The following RIPK1 variants were observed in gnomAD, a reference collection of about 807,000 sequenced individuals.
The protein encoded by RIPK1 is receptor interacting serine/threonine kinase 1.
In RIPK1, 27 loss-of-function variants were observed where a neutral mutation model predicts 62.4. The observed-to-expected ratio is 0.43, with a 90% CI of 0.32 to 0.60. The LOEUF is 0.60. Among genes scored for constraint, RIPK1 ranks in the 20% least tolerant of loss-of-function variants. RIPK1 has a pLI of 0.07. For synonymous variants in RIPK1, 287 were observed against 303.2 expected (o/e 0.95, Z 0.55); for missense variants, 735 against 831.0 (o/e 0.88, Z 1.42).
chr6:3,084,470 C>A (rs112717073), intron 5 of RIPK1, among the ~76,000 whole-genome samples: 2 of 1,232 alleles, frequency 1.6e-3, no homozygotes, highest in African/African-American at 4.0e-3. Context: ...TGCTTCTCTT[C>A]CTGGAGTCCT....
rs765452429 is a variant in RIPK1 at position 3,077,933 on chromosome 6, G to C, written c.319G>C (p.Glu107Gln). 4.3e-6 allele frequency: 7 copies of C among 1,613,618 alleles called. No individual in the cohort carries two copies. Among genetic ancestry groups the C allele is most frequent in the Admixed American group, 3.3e-5 (2 of 59,998 alleles). Residue 107 changes from glutamate (E) to glutamine (Q), a missense_variant and splice_region_variant, in exon 3 of 11, where the codon GAG (glutamate) becomes CAG (glutamine). Coordinates refer to ENST00000259808, the MANE Select transcript of RIPK1 (RefSeq NM_001354930.2). Reference protein sequence around the residue: ...KGNLMHVLKAEMSTPLSVKGR... With the variant: ...KGNLMHVLKAQMSTPLSVKGR... ...CAACCTGATGCACGTGCTGAAAGCC[G>C]AGGTAGAGAGGGCCCCTCCGCACGG... is the stretch of plus-strand genomic sequence containing the variant.
intron 7 of RIPK1, among the ~76,000 whole-genome samples, chr6:3,090,581 G>A (rs976526920): frequency 1.3e-5 from 2 of 152,026 alleles, no homozygotes; most frequent in Admixed American, 1.3e-4. Context: ...AGCCAAAAGT[G>A]ACAGAACTCA....
intron 1 of RIPK1, among the ~76,000 whole-genome samples, chr6:3,073,408 C>G (rs1334056634): frequency 6.6e-6 from 1 of 151,900 alleles, no homozygotes; most frequent in African/African-American, 2.4e-5. Flanking sequence ...AGTAAGTGCC[C>G]CAAGGTCACA....
upstream of RIPK1, chr6:3,068,274 TCC>T (rs761361350): frequency 7.1e-5 from 70 of 985,398 alleles, no homozygotes; most frequent in Non-Finnish European, 6.7e-5. Context: ...ACCCAGTGCT[TCC>T]CTCCAGACCC....
rs1265898070 is a variant in RIPK1 at position 3,068,650 on chromosome 6, G to A, written c.-72G>A. On this transcript the variant is annotated 5_prime_UTR_variant, in exon 1 of 11. Transcript: ENST00000259808. ...GACTTGGCTGGACGGCGCGGCCACG[G>A]AGAAGGGCGCGGTGAGCGGACTGGC... The A allele has an allele frequency of 2.0e-6, 2 of 985,328 alleles. No individual in the cohort carries two copies. The highest frequency in any genetic ancestry group is 5.2e-4 in the Middle Eastern group (1 of 1,912). 61.0% of individuals were successfully genotyped at this position (985,328 alleles called of 1,614,324 possible). A position where few individuals can be genotyped will look rare whatever the true frequency, so the allele number is the denominator to read the frequency against.
intron 6 of RIPK1, among the ~76,000 whole-genome samples, chr6:3,087,741 G>A (rs537561215): frequency 1.8e-4 from 27 of 151,882 alleles, no homozygotes; most frequent in East Asian, 7.8e-4. Flanking sequence ...GGGTTTCACC[G>A]TGTTAGCCAG....
rs201082664 is a variant in RIPK1, at chr6:3,108,340, T to TCTA, written c.1576+2289_1576+2290insCTA. Among the ~76,000 whole-genome samples, 774 of 152,142 alleles carry TCTA rather than the reference T, an allele frequency of 5.1e-3. 4 individuals carry two copies. The highest frequency in any genetic ancestry group is 0.017 in the African/African-American group (704 of 41,496). ...TAAATGAAAATGTTACAACTGAAAA[T>TCTA]TTATATATTATCAGCTCTAGTATGT... On this transcript the variant is annotated intron_variant, in intron 9 of 10. Coordinates refer to ENST00000259808, the MANE Select transcript of RIPK1 (RefSeq NM_001354930.2).
At chr6:3,083,939 G>A (rs537753373) in intron 5 of RIPK1, among the ~76,000 whole-genome samples, 27 of 151,974 alleles carry the variant, frequency 1.8e-4, no homozygotes, top group African/African-American at 5.6e-4. Context: ...AGCTCGCCCC[G>A]CTTCACCCCT....
chr6:3,081,873 A>T (rs1186684428), intron 4 of RIPK1, among the ~76,000 whole-genome samples: 2 of 111,420 alleles, frequency 1.8e-5, no homozygotes, highest in African/African-American at 1.2e-4. Flanking sequence ...AAAAAAAAAA[A>T]AAAAAAAAAA....
At chr6:3,107,338 C>T (rs1380716677) in intron 9 of RIPK1, among the ~76,000 whole-genome samples, 5 of 146,756 alleles carry the variant, frequency 3.4e-5, no homozygotes, top group South Asian at 2.1e-4. Flanking sequence ...GGGAAGATCA[C>T]GAGGTCAGGA....
Position 3,076,788 on chromosome 6 carries a change from A to T in RIPK1, c.-36A>T. 6.2e-7 allele frequency: 1 copy of T among 1,604,312 alleles called. No individual in the cohort carries two copies. Among genetic ancestry groups the T allele is most frequent in the Non-Finnish European group, 8.5e-7 (1 of 1,175,914 alleles). ...GGGTACAGCTCTGCCGGGGGGGGAA[A>T]AAGTGGTACCATTTTGGGCGTTCTT... is the stretch of plus-strand genomic sequence containing the variant. On this transcript the variant is annotated 5_prime_UTR_variant, in exon 2 of 11. Transcript: ENST00000259808.
chr6:3,105,809 A>G lies in RIPK1; in HGVS notation c.1334A>G (p.His445Arg). Residue 445 changes from histidine (H) to arginine (R), a missense_variant, in exon 9 of 11, where the codon CAT becomes CGT. Physicochemically the swap from His to Arg is conservative, Grantham distance 29 (BLOSUM62 0). Coordinates refer to ENST00000259808, the MANE Select transcript of RIPK1 (RefSeq NM_001354930.2). The surrounding 1 kb of genome is among the most constrained non-coding windows in gnomAD (Gnocchi z 4.5). ...KGTAYSSAAS[H>R]GNAVHQPSGL... ...ACTGCTTATTCCAGTGCAGCCAGTC[A>G]TGGTAATGCAGTGCACCAGCCCTCA... is the stretch of plus-strand genomic sequence containing the variant. 2 of 1,614,206 alleles carry G rather than the reference A, an allele frequency of 1.2e-6. No homozygotes were observed. Among genetic ancestry groups the G allele is most frequent in the Non-Finnish European group, 1.7e-6 (2 of 1,180,006 alleles).
intron 2 of RIPK1, 105 bp from the exon 3 acceptor site, chr6:3,077,674 C>T: frequency 7.7e-7 from 1 of 1,302,704 alleles, no homozygotes. Flanking sequence ...TCGGTACAGA[C>T]CCAAGCATGA....
At chr6:3,079,871 C>T (rs544065822) in intron 3 of RIPK1, among the ~76,000 whole-genome samples, 3 of 152,154 alleles carry the variant, frequency 2.0e-5, no homozygotes, top group Non-Finnish European at 4.4e-5. Context: ...CAGGCCCAAC[C>T]CTGCTTAGCT....
At chr6:3,068,922 G>A (rs930953374) in intron 1 of RIPK1, 2 of 155,060 alleles carry the variant, frequency 1.3e-5, no homozygotes, top group African/African-American at 2.4e-5. Context: ...GAGGGACTCT[G>A]CCCGGGGTGC....
At chr6:3,080,799 G>GC (rs3830793) in intron 3 of RIPK1, among the ~76,000 whole-genome samples, 180 bp from the exon 4 acceptor site, 3,071 of 147,132 alleles carry the variant, frequency 0.021, 92 homozygotes, top group East Asian at 0.15. Flanking sequence ...AATACCCTCT[G>GC]CCCCCCCCCG....
In RIPK1 at chr6:3,082,513, T is replaced by C. The variant is rs1476883181; in HGVS notation, c.460-572T>C. On this transcript the variant is annotated intron_variant, in intron 4 of 10. Transcript: ENST00000259808. The stretch of plus-strand genomic sequence containing the variant: ...ATTTTTCTCTCTGCTTTTTTGTCTG[T>C]TTTTCTCCTCCTTTCCACCCTATCT... 2.0e-5 allele frequency among the ~76,000 whole-genome samples: 3 copies of C among 152,190 alleles called. No homozygotes were observed. In the East Asian group the frequency reaches 5.8e-4, roughly 29 times the overall value.
At chr6:3,097,020 G>A (rs542587109) in intron 7 of RIPK1, among the ~76,000 whole-genome samples, 20 of 152,110 alleles carry the variant, frequency 1.3e-4, no homozygotes, top group African/African-American at 3.9e-4. Context: ...AAAAGCGTGC[G>A]CCACCATGCC....
intron 1 of RIPK1, among the ~76,000 whole-genome samples, chr6:3,070,286 C>G (rs1331917525): frequency 6.6e-6 from 1 of 152,164 alleles, no homozygotes; most frequent in African/African-American, 2.4e-5. Flanking sequence ...GCTTATTAAT[C>G]TATAACGTGT....
Sources: gnomAD v4.1 joint callset for allele counts (sites outside exome capture counted in the v4.1 genomes callset) on GRCh38, gnomAD v4.1.1 for gene constraint, Gnocchi (gnomAD v3.1) non-coding constraint, MANE v1.5 for transcripts, NCBI Gene and HGNC (gene_info 2026-07-23, HGNC 2026-07-21) for gene names.